Variants in PRRC2C observed in about 807,000 individuals in gnomAD.
PRRC2C encodes the protein proline rich coiled-coil 2C.
In PRRC2C, 72 loss-of-function variants were observed where a neutral mutation model predicts 317.2. The ratio of observed to expected loss-of-function variants is 0.23; its 90% CI spans 0.19 to 0.28. PRRC2C has a LOEUF of 0.28. PRRC2C is among the 10% of genes least tolerant of loss of function. The probability of loss-of-function intolerance (pLI) is 1.00; values close to 1 mark genes in which losing one functional copy is unlikely to be tolerated. For synonymous variants in PRRC2C, 1,296 were observed against 1,205.9 expected, an observed-to-expected ratio of 1.07 and a Z score of -1.55; for missense variants, 3,074 against 3,459.7, an observed-to-expected ratio of 0.89 and a Z score of 2.80.
At chr1:171,578,880 A>C (rs1233515144) in intron 26 of PRRC2C, among the ~76,000 whole-genome samples, 2 of 151,168 alleles carry the variant, frequency 1.3e-5, no homozygotes, top group Non-Finnish European at 3.0e-5. Flanking sequence ...AAACAAAAAC[A>C]AAAAAAAACA....
At chr1:171,549,989 GTTTTTT>G in intron 17 of PRRC2C, 91 bp from the exon 18 acceptor site, 2 of 719,030 alleles carry the variant, frequency 2.8e-6, no homozygotes, top group Non-Finnish European at 2.0e-6. Flanking sequence ...CCTTTGGCTA[GTTTTTT>G]TTTTTTTTTT....
intron 17 of PRRC2C, among the ~76,000 whole-genome samples, chr1:171,547,603 G>A (rs1679351842): frequency 6.9e-6 from 1 of 144,704 alleles, no homozygotes; most frequent in Non-Finnish European, 1.5e-5. Context: ...AATAAACTGG[G>A]TTTTTTTCTT....
intron 6 of PRRC2C, among the ~76,000 whole-genome samples, chr1:171,519,559 C>G (rs1352655913): frequency 6.6e-6 from 1 of 152,048 alleles, no homozygotes; most frequent in Admixed American, 6.5e-5. Context: ...TGGCACCCAC[C>G]CCTGCCCTCC....
chr1:171,568,134 G>T, intron 22 of PRRC2C, 113 bp from the exon 23 acceptor site: 10 of 1,360,836 alleles, frequency 7.3e-6, no homozygotes, highest in Non-Finnish European at 8.6e-6. Context: ...GCAGTGAGCT[G>T]AGATCATGCC....
rs565178018 is a variant in PRRC2C, at chr1:171,551,317, A to AT, written c.5127+1083dup. On this transcript the variant is annotated intron_variant, in intron 18 of 34. Transcript: ENST00000647382. ...GCCCACTTTTTGATGGGGTTGTTTG[A>AT]TTTTTTCTTGTAAATTTAAGTTCAT... Among the ~76,000 whole-genome samples, 882 of 151,592 alleles carry AT rather than the reference A, an allele frequency of 5.8e-3. 7 individuals are homozygous for AT. Among genetic ancestry groups the AT allele is most frequent in the African/African-American group, 0.02 (817 of 41,328 alleles).
intron 17 of PRRC2C, 141 bp from the exon 18 acceptor site, chr1:171,549,945 A>C (rs780819453): frequency 1.6e-5 from 8 of 506,206 alleles, no homozygotes; most frequent in Non-Finnish European, 2.5e-5. Context: ...TAGGGTGAGA[A>C]ATAGGTTATA....
intron 17 of PRRC2C, among the ~76,000 whole-genome samples, chr1:171,547,057 T>C (rs1679242128): frequency 6.6e-6 from 1 of 152,026 alleles, no homozygotes; most frequent in African/African-American, 2.4e-5. Context: ...AGAAACCTTG[T>C]CTCTAAAAAT....
intron 23 of PRRC2C, among the ~76,000 whole-genome samples, chr1:171,569,212 T>A (rs1387338833): frequency 6.6e-6 from 1 of 152,150 alleles, no homozygotes; most frequent in Non-Finnish European, 1.5e-5. Context: ...ACTAAAATGT[T>A]GATCATCCTT....
intron 6 of PRRC2C, among the ~76,000 whole-genome samples, chr1:171,519,102 T>C (rs1673066309): frequency 6.6e-6 from 1 of 152,166 alleles, no homozygotes; most frequent in African/African-American, 2.4e-5. Context: ...AAGGTTGGTC[T>C]TGAACTCCTA....
At chr1:171,569,123 T>C (rs1463124270) in intron 23 of PRRC2C, among the ~76,000 whole-genome samples, 3 of 152,138 alleles carry the variant, frequency 2.0e-5, no homozygotes, top group Non-Finnish European at 4.4e-5. Context: ...GGTCCTTATT[T>C]TGGAGAGAGG....
intron 1 of PRRC2C, among the ~76,000 whole-genome samples, chr1:171,493,050 G>A (rs1162206295): frequency 1.3e-5 from 2 of 149,876 alleles, no homozygotes; most frequent in Non-Finnish European, 1.5e-5. Flanking sequence ...GCGCCTGGCC[G>A]GGGAATTTAA....
rs1670661251 is a variant in PRRC2C at position 171,508,428 on chromosome 1, CTG to C, written c.-57-3601_-57-3600del. Among the ~76,000 whole-genome samples, 6 of 152,304 alleles carry C rather than the reference CTG, an allele frequency of 3.9e-5. No homozygotes were observed. In the South Asian group the frequency reaches 6.2e-4, roughly 16 times the overall value. On this transcript the variant is annotated intron_variant, in intron 1 of 34. Coordinates refer to ENST00000647382, the MANE Select transcript of PRRC2C (RefSeq NM_001387844.1). ...GGTTTTTACTTTTCATTCTGTTAAA[CTG>C]TGGTATATCACATTGATTTGCATAT...
chr1:171,591,863 G>A lies in PRRC2C; in HGVS notation c.*16G>A, dbSNP rs199644701. ...AAAATCTTAAAGGCTATGGTTTATT[G>A]CAGGGGATTGGGAGGGGGGCGGGAA... is the stretch of plus-strand genomic sequence containing the variant. On this transcript the variant is annotated 3_prime_UTR_variant, in exon 35 of 35. Transcript: ENST00000647382. 2,153 of 1,212,232 alleles carry A rather than the reference G, an allele frequency of 1.8e-3. 9 individuals are homozygous for A. Among genetic ancestry groups the A allele is most frequent in the Non-Finnish European group, 2.2e-3 (1,922 of 877,116 alleles). 75.1% of individuals were successfully genotyped at this position (1,212,232 alleles called of 1,614,324 possible). A position where few individuals can be genotyped will look rare whatever the true frequency, so the allele number is the denominator to read the frequency against.
chr1:171,536,146 C>A lies in PRRC2C; in HGVS notation c.2161C>A (p.Gln721Lys), dbSNP rs758739141. 2.5e-6 allele frequency: 4 copies of A among 1,600,106 alleles called. No individual in the cohort carries two copies. The highest frequency in any genetic ancestry group is 3.4e-6 in the Non-Finnish European group (4 of 1,172,562). Residue 721 changes from glutamine (Q) to lysine (K), a missense_variant, in exon 14 of 35, where the codon CAG becomes AAG. Gln to Lys is a moderately conservative substitution (Grantham distance 53). Coordinates refer to ENST00000647382, the MANE Select transcript of PRRC2C (RefSeq NM_001387844.1). ...TCCTCCACCACACAGACCTCTTTAT[C>A]AGCCTATGCAGCCTCATCCTCAGCA... ...VPPPPHRPLY[Q>K]PMQPHPQHLA...
chr1:171,528,352 G>A (rs1675084921), intron 11 of PRRC2C, among the ~76,000 whole-genome samples: 3 of 148,630 alleles, frequency 2.0e-5, no homozygotes, highest in Non-Finnish European at 3.0e-5. Flanking sequence ...GCAGTGGCGT[G>A]ATCTTGGCTC....
At chr1:171,520,340 T>G (rs1205050663) in intron 6 of PRRC2C, among the ~76,000 whole-genome samples, 1 of 152,334 alleles carries the variant, frequency 6.6e-6, no homozygotes, top group Non-Finnish European at 1.5e-5. Flanking sequence ...ATTACTTTTT[T>G]TCTAATCATT....
At chr1:171,568,437 T>A in intron 23 of PRRC2C, 98 bp downstream of exon 23, 1 of 1,435,854 alleles carries the variant, frequency 7.0e-7, no homozygotes, top group Non-Finnish European at 9.2e-7. Flanking sequence ...GTGATCAATA[T>A]TTAACTCAGG....
intron 1 of PRRC2C, among the ~76,000 whole-genome samples, chr1:171,487,709 T>A (rs1475860985): frequency 6.6e-6 from 1 of 152,068 alleles, no homozygotes; most frequent in African/African-American, 2.4e-5. Context: ...AAAAAGATAA[T>A]GGATAATGTA....
At position 171,535,478 on chromosome 1, in the gene PRRC2C, G is replaced by A. The variant is rs779308570; in HGVS notation, c.1924G>A (p.Ala642Thr). The stretch of plus-strand genomic sequence containing the variant: ...AGACAGCAATCGCAGTGAAAAGGAA[G>A]CCACACCAGTGGTGCATGAAACAGA... ...RQDSNRSEKEATPVVHETEPE... is the reference protein window; with the variant it reads ...RQDSNRSEKETTPVVHETEPE... Residue 642 changes from alanine to threonine, a missense_variant, in exon 13 of 35, where the codon GCC (alanine) becomes ACC (threonine). Ala to Thr is a moderately conservative substitution (Grantham distance 58). Coordinates refer to ENST00000647382, the MANE Select transcript of PRRC2C (RefSeq NM_001387844.1). The A allele has an allele frequency of 1.2e-6, 2 of 1,613,852 alleles. No homozygotes were observed. Among genetic ancestry groups the A allele is most frequent in the South Asian group, 2.2e-5 (2 of 91,074 alleles).
Sources: gnomAD v4.1 joint callset for allele counts (sites outside exome capture counted in the v4.1 genomes callset) on GRCh38, gnomAD v4.1.1 for gene constraint, MANE v1.5 for transcripts, NCBI Gene and HGNC (gene_info 2026-07-23, HGNC 2026-07-21) for gene names.